ANO1: variants seen among roughly 807,000 people sequenced by gnomAD.
The protein encoded by ANO1 is anoctamin 1.
A neutral mutation model predicts 124.0 loss-of-function variants in ANO1; 59 were observed. That is an observed-to-expected ratio of 0.48 (90% CI 0.39 to 0.59). The LOEUF is 0.59. ANO1 is among the 20% of genes least tolerant of loss of function. The probability of loss-of-function intolerance (pLI) is 0.00; values close to 1 mark genes in which losing one functional copy is unlikely to be tolerated. For missense variants in ANO1, 1,059 were observed against 1,328.0 expected, an observed-to-expected ratio of 0.80 and a Z score of 3.15; for synonymous variants, 529 against 532.0, an observed-to-expected ratio of 0.99 and a Z score of 0.08.
chr11:70,008,909 A>C (rs1460498472), intron 1 of ANO1, among the ~76,000 whole-genome samples: 1 of 152,038 alleles, frequency 6.6e-6, no homozygotes, highest in Non-Finnish European at 1.5e-5. Context: ...TGTCCAGGAG[A>C]CCCACATGGA....
chr11:70,010,169 G>GTGTGTA (rs1555000816), intron 1 of ANO1, among the ~76,000 whole-genome samples: 1 of 22,678 alleles, frequency 4.4e-5, no homozygotes, highest in African/African-American at 1.1e-4. Flanking sequence ...GTGTGTGCGC[G>GTGTGTA]TGTGTGTGTG....
chr11:70,124,292 C>T (rs375189354), intron 8 of ANO1, 58 bp from the exon 9 acceptor site: 752 of 1,553,116 alleles, frequency 4.8e-4, no homozygotes, highest in Non-Finnish European at 6.3e-4. Context: ...CTCTGCGTTC[C>T]GGGGAGCAAC....
At chr11:70,153,265 G>A (rs1329014554) in intron 14 of ANO1, 137 bp downstream of exon 14, 4 of 771,182 alleles carry the variant, frequency 5.2e-6, no homozygotes, top group Non-Finnish European at 6.4e-6. Context: ...CTCTGCCATG[G>A]TAGCGGCAAA....
chr11:70,078,180 T>C (rs1301367055), upstream of ANO1: 1 of 152,510 alleles, frequency 6.6e-6, no homozygotes, highest in Non-Finnish European at 1.5e-5. Context: ...AAAATAAAAC[T>C]TGGAGGGGCC....
Position 70,147,133 on chromosome 11 carries a change from G to A in ANO1, c.1259-2577G>A, listed in dbSNP as rs150582380. ...GGAGCAGCCCTCCCGGGCAGTGCTCGGCCCCAGAAAGCGTCGTAAAAGGGC... is the reference window on the plus strand; with the variant it reads ...GGAGCAGCCCTCCCGGGCAGTGCTCAGCCCCAGAAAGCGTCGTAAAAGGGC... On this transcript the variant is annotated intron_variant, in intron 11 of 25. Transcript: ENST00000355303. Among the ~76,000 whole-genome samples the A allele has an allele frequency of 3.6e-3, 552 of 152,354 alleles. 2 individuals are homozygous for A. Among genetic ancestry groups the A allele is most frequent in the African/African-American group, 0.012 (519 of 41,578 alleles).
intron 8 of ANO1, among the ~76,000 whole-genome samples, chr11:70,117,839 T>C (rs866345120): frequency 5.3e-4 from 80 of 152,294 alleles, no homozygotes; most frequent in African/African-American, 1.9e-3. Flanking sequence ...TACATGTTTT[T>C]AAATCTTTGG....
upstream of ANO1, among the ~76,000 whole-genome samples, chr11:70,076,789 C>T (rs186446292): frequency 5.9e-5 from 9 of 152,334 alleles, no homozygotes; most frequent in African/African-American, 2.2e-4. Context: ...CCTTCCTGCA[C>T]CGCCCCAAGT....
chr11:70,189,458 A>T lies in ANO1; in HGVS notation c.*1454A>T, dbSNP rs1331074479. On this transcript the variant is annotated 3_prime_UTR_variant, in exon 26 of 26. Coordinates refer to ENST00000355303, the MANE Select transcript of ANO1 (RefSeq NM_018043.7). ...ATCCTTTTATGGAAACCATTTTTTTAAAAAGTGAATGTACACAAATCCACA... is the reference window on the plus strand; with the variant it reads ...ATCCTTTTATGGAAACCATTTTTTTTAAAAGTGAATGTACACAAATCCACA... 6.6e-6 allele frequency: 1 copy of T among 152,624 alleles called. No individual in the cohort carries two copies. Among genetic ancestry groups the T allele is most frequent in the Non-Finnish European group, 1.5e-5 (1 of 68,042 alleles). 9.5% of individuals were successfully genotyped at this position (152,624 alleles called of 1,614,324 possible).
chr11:70,085,723 C>T (rs887763250), intron 1 of ANO1: 6 of 1,431,834 alleles, frequency 4.2e-6, no homozygotes, highest in Non-Finnish European at 4.6e-6. Context: ...CTCTCCTTCC[C>T]CTACAACTAA....
chr11:70,090,589 A>G (rs2044588641), intron 2 of ANO1, among the ~76,000 whole-genome samples: 1 of 152,200 alleles, frequency 6.6e-6, no homozygotes, highest in Non-Finnish European at 1.5e-5. Flanking sequence ...TGTGTCATAT[A>G]TTATTGTTCA....
upstream of ANO1, among the ~76,000 whole-genome samples, chr11:69,983,523 C>G (rs1855976039): frequency 6.6e-6 from 1 of 152,204 alleles, no homozygotes; most frequent in Admixed American, 6.5e-5. Flanking sequence ...CGGGGAGGCC[C>G]TCAGCTTCAG....
rs557246681 is a variant in ANO1 at position 70,087,991 on chromosome 11, G to T, written c.348G>T (p.Pro116=). ...ASLDAGSGEP[P]MDYHEDDKRF... ...TGGATGCAGGCTCGGGGGAGCCCCC[G>T]ATGGACTACCACGAGGATGACAAGC... Residue 116 remains proline, a synonymous_variant, in exon 2 of 26, where the codon CCG becomes CCT. Coordinates refer to ENST00000355303, the MANE Select transcript of ANO1 (RefSeq NM_018043.7). The T allele has an allele frequency of 3.1e-5, 49 of 1,568,314 alleles. No homozygotes were observed. The East Asian group carries it at 1.1e-3, about 36-fold the overall frequency.
chr11:70,077,575 T>TC (rs1200307553), upstream of ANO1, among the ~76,000 whole-genome samples: 7 of 151,602 alleles, frequency 4.6e-5, no homozygotes, highest in African/African-American at 1.2e-4. Context: ...AAAGCCACCA[T>TC]CCCCCCCGCT....
rs139360274 is a variant in ANO1 at position 70,099,668 on chromosome 11, G to A, written c.442-3398G>A. On this transcript the variant is annotated intron_variant, in intron 2 of 25. Coordinates refer to ENST00000355303, the MANE Select transcript of ANO1 (RefSeq NM_018043.7). ...TCCGTGGCTCCCCAGCACTGAGGAG[G>A]TGGCTTCAAGCTTCTTGGCCGAAGG... is the stretch of plus-strand genomic sequence containing the variant. Among the ~76,000 whole-genome samples the A allele has an allele frequency of 1.7e-3, 256 of 152,298 alleles. 2 individuals carry two copies. Among genetic ancestry groups the A allele is most frequent in the African/African-American group, 5.9e-3 (245 of 41,570 alleles).
intron 1 of ANO1, among the ~76,000 whole-genome samples, chr11:70,046,814 C>T (rs1037021201): frequency 6.6e-6 from 1 of 151,716 alleles, no homozygotes; most frequent in African/African-American, 2.4e-5. Context: ...TGGTTCACAC[C>T]CATAATCCCA....
intron 1 of ANO1, among the ~76,000 whole-genome samples, chr11:70,012,536 A>ATCCATCCATCCATTGTTCCG (rs1555001288): frequency 5.7e-5 from 2 of 34,880 alleles, no homozygotes; most frequent in Admixed American, 3.4e-4. Flanking sequence ...CCATTGTTCC[A>ATCCATCCATCCATTGTTCCG]TCTATCTATC....
At chr11:70,118,986 A>T (rs2135447173) in intron 8 of ANO1, among the ~76,000 whole-genome samples, 1 of 137,794 alleles carries the variant, frequency 7.3e-6, no homozygotes, top group East Asian at 2.3e-4. Context: ...GGATGGATGG[A>T]TGCTGGAGGA....
intron 22 of ANO1, among the ~76,000 whole-genome samples, chr11:70,177,583 CTTTTTTTTTTCTT>C (rs1295941423): frequency 7.9e-6 from 1 of 126,510 alleles, no homozygotes; most frequent in East Asian, 2.4e-4. Flanking sequence ...TTTTTCTTTT[CTTTTTTTTTTCTT>C]TTTTTTTTTT....
intron 1 of ANO1, 101 bp downstream of exon 1, chr11:70,078,815 G>T (rs2044110672): frequency 4.5e-6 from 3 of 665,290 alleles, no homozygotes; most frequent in East Asian, 6.3e-5. Flanking sequence ...ACCCCAGGGC[G>T]GGGGCCGCAC....
Sources: allele counts gnomAD v4.1 joint callset (sites outside exome capture counted in the v4.1 genomes callset), GRCh38; gene constraint gnomAD v4.1.1; transcripts MANE v1.5; gene names NCBI Gene and HGNC (gene_info 2026-07-23, HGNC 2026-07-21).